The following FAM78B variants were observed in gnomAD, a reference collection of about 807,000 sequenced individuals.
FAM78B encodes the protein family with sequence similarity 78 member B.
In FAM78B, 10 loss-of-function variants were observed where a neutral mutation model predicts 20.0. The ratio of observed to expected loss-of-function variants is 0.50; its 90% confidence interval spans 0.31 to 0.85. The LOEUF is 0.85. Among genes scored for constraint, FAM78B ranks in the 40% least tolerant of loss-of-function variants. FAM78B has a pLI of 0.05. For missense variants in FAM78B, 283 were observed against 345.0 expected (o/e 0.82, Z 1.42); for synonymous variants, 135 against 132.8 (o/e 1.02, Z -0.12).
chr1:166,151,146 T>C (rs1047882314), intron 1 of FAM78B, among the ~76,000 whole-genome samples: 20 of 152,152 alleles, frequency 1.3e-4, no homozygotes, highest in Admixed American at 1.0e-3. Context: ...CACGTAGACT[T>C]GTAATAGCTC....
intron 1 of FAM78B, among the ~76,000 whole-genome samples, chr1:166,109,896 A>ATATATATG (rs1653975378): frequency 6.7e-5 from 4 of 59,952 alleles, no homozygotes; most frequent in African/African-American, 1.7e-4. Context: ...ATATGTATAT[A>ATATATATG]TATATATATA....
At chr1:166,082,386 A>G (rs1355127890) in intron 1 of FAM78B, among the ~76,000 whole-genome samples, 1 of 152,126 alleles carries the variant, frequency 6.6e-6, no homozygotes, top group African/African-American at 2.4e-5. Flanking sequence ...TTTTTCTGAA[A>G]ATAGAGATGG....
chr1:166,068,658 A>C (rs1194790777), downstream of FAM78B, among the ~76,000 whole-genome samples: 2 of 152,242 alleles, frequency 1.3e-5, no homozygotes. Flanking sequence ...CAACCATGAG[A>C]TTGTAAAACT....
chr1:166,144,200 G>T (rs986102800), intron 1 of FAM78B, among the ~76,000 whole-genome samples: 24 of 152,060 alleles, frequency 1.6e-4, no homozygotes, highest in African/African-American at 5.8e-4. Flanking sequence ...TAAATTTCCT[G>T]TCAGTCTGTT....
At chr1:166,092,357 C>A (rs1375647897) in intron 1 of FAM78B, among the ~76,000 whole-genome samples, 1 of 152,176 alleles carries the variant, frequency 6.6e-6, no homozygotes, top group Non-Finnish European at 1.5e-5. Context: ...CACCCCCAAC[C>A]CTCCCTGGCA....
At position 166,100,018 on chromosome 1, in the gene FAM78B, G is replaced by A. The variant is rs188314285; in HGVS notation, c.264-29255C>T. ...CAGACCATATGATAGGCCATAAAAC[G>A]AGCCTCAATAAATTTAAGACAACTG... On this transcript the variant is annotated intron_variant, in intron 1 of 1. Transcript: ENST00000354422. Among the ~76,000 whole-genome samples, 112 of 152,232 alleles carry A rather than the reference G, an allele frequency of 7.4e-4. No homozygotes were observed. The East Asian group carries it at 0.018, about 25-fold the overall frequency.
At chr1:166,060,192 G>C (rs1651528819) in exon 3 of FAM78B, 1 of 190,800 alleles carries the variant, frequency 5.2e-6, no homozygotes, top group African/African-American at 2.3e-5. Flanking sequence ...AGGAGGAAGG[G>C]AGATACAAAT....
At chr1:166,109,890 G>GTATGTA (rs1433152486) in intron 1 of FAM78B, among the ~76,000 whole-genome samples, 256 of 23,088 alleles carry the variant, frequency 0.011, 23 homozygotes, top group Middle Eastern at 0.062. Flanking sequence ...ATGTATATAT[G>GTATGTA]TATATATATA....
Position 166,155,835 on chromosome 1 carries a change from G to A in FAM78B, c.263+10151C>T, listed in dbSNP as rs539319226. ...AAGTAAGATCCTGCTCTCACAGAAC[G>A]GGCATGTCTGATTCCCTTCACGCCT... On this transcript the variant is annotated intron_variant, in intron 1 of 1. Coordinates refer to ENST00000354422, the MANE Select transcript of FAM78B (RefSeq NM_001017961.5). Among the ~76,000 whole-genome samples the A allele has an allele frequency of 1.8e-4, 28 of 152,160 alleles. No homozygotes were observed. In the South Asian group the frequency reaches 3.7e-3, roughly 20 times the overall value.
chr1:166,075,909 T>C (rs981694000), intron 1 of FAM78B, among the ~76,000 whole-genome samples: 3 of 152,206 alleles, frequency 2.0e-5, no homozygotes, highest in African/African-American at 7.2e-5. Context: ...GCCAAAAACT[T>C]TGGAGTCACT....
rs1302094148 is a variant in FAM78B, at chr1:166,070,134, A to G, written c.*107T>C. 1.1e-5 allele frequency: 16 copies of G among 1,405,868 alleles called. No individual in the cohort carries two copies. In the African/African-American group the frequency reaches 1.7e-4, roughly 15 times the overall value. The allele number at this position is 1,405,868 out of a possible 1,614,324, so 87.1% of individuals were successfully genotyped here. The stretch of plus-strand genomic sequence containing the variant: ...AGTGGCTGCAAAGGCTGGCAAACCG[A>G]GAGGTCTGCTTTGGCTCAGAAACTC... On this transcript the variant is annotated 3_prime_UTR_variant, in exon 2 of 2. Transcript: ENST00000354422.
At chr1:166,157,288 G>A (rs978201274) in intron 1 of FAM78B, among the ~76,000 whole-genome samples, 5 of 151,786 alleles carry the variant, frequency 3.3e-5, no homozygotes, top group African/African-American at 7.3e-5. Context: ...CAATAATAAC[G>A]AGCATGCTCT....
intron 1 of FAM78B, among the ~76,000 whole-genome samples, chr1:166,119,856 A>G (rs1005612220): frequency 6.6e-6 from 1 of 152,248 alleles, no homozygotes; most frequent in Non-Finnish European, 1.5e-5. Context: ...CCAGGCCCAC[A>G]GAGCTTCTGC....
chr1:166,127,051 G>T (rs1458844885), intron 1 of FAM78B, among the ~76,000 whole-genome samples: 1 of 152,218 alleles, frequency 6.6e-6, no homozygotes, highest in Non-Finnish European at 1.5e-5. Flanking sequence ...TTTTGAGGCT[G>T]AAGGCTGGGT....
At chr1:166,095,372 A>C (rs1036525370) in intron 1 of FAM78B, among the ~76,000 whole-genome samples, 19 of 152,110 alleles carry the variant, frequency 1.2e-4, no homozygotes, top group African/African-American at 4.6e-4. Context: ...GACAGGTTTA[A>C]AGATGGCAGA....
chr1:166,067,225 G>C (rs953062750), downstream of FAM78B, among the ~76,000 whole-genome samples: 33 of 152,092 alleles, frequency 2.2e-4, no homozygotes, highest in Non-Finnish European at 4.0e-4. Flanking sequence ...GCCTTCTCTT[G>C]GCTCTTCAGC....
At chr1:166,144,579 C>A (rs1053291480) in intron 1 of FAM78B, among the ~76,000 whole-genome samples, 1 of 152,056 alleles carries the variant, frequency 6.6e-6, no homozygotes, top group African/African-American at 2.4e-5. Flanking sequence ...CAGGAAGGAT[C>A]AGAGAGTAAC....
chr1:166,133,426 T>C (rs954450161), intron 1 of FAM78B, among the ~76,000 whole-genome samples: 3 of 152,210 alleles, frequency 2.0e-5, no homozygotes, highest in African/African-American at 4.8e-5. Context: ...AAACCAAACC[T>C]GCAATTTGCA....
chr1:166,102,482 A>C (rs889182540), intron 1 of FAM78B, among the ~76,000 whole-genome samples: 1 of 152,198 alleles, frequency 6.6e-6, no homozygotes, highest in Non-Finnish European at 1.5e-5. Context: ...GTAGAGACAA[A>C]CATAGGCTCA....
Sources: allele counts gnomAD v4.1 joint callset (sites outside exome capture counted in the v4.1 genomes callset), GRCh38; gene constraint gnomAD v4.1.1; transcripts MANE v1.5; gene names NCBI Gene and HGNC (gene_info 2026-07-23, HGNC 2026-07-21).